Variants in CREB3 observed in about 807,000 individuals in gnomAD.
CREB3 encodes cAMP responsive element binding protein 3, also known as cyclic AMP-responsive element-binding protein 3.
Under a neutral mutation model 34.5 loss-of-function variants are expected in CREB3, and 29 were observed. That is an observed-to-expected ratio of 0.84 (90% CI 0.63 to 1.15). CREB3 has a LOEUF of 1.15. Among genes scored for constraint, CREB3 ranks in the 50% most tolerant of loss-of-function variants. The pLI is 0.00. For missense variants in CREB3, 447 were observed against 443.4 expected (o/e 1.01, Z -0.07); for synonymous variants, 187 against 173.9 (o/e 1.08, Z -0.59).
intron 6 of CREB3, among the ~76,000 whole-genome samples, 161 bp from the exon 7 acceptor site, chr9:35,735,887 G>A (rs921963236): frequency 6.6e-6 from 1 of 152,114 alleles, no homozygotes; most frequent in African/African-American, 2.4e-5. Flanking sequence ...GGAACTTCAG[G>A]CATTTTGTCC....
Position 35,735,301 on chromosome 9 carries a change from C to A in CREB3, c.543-5C>A, listed in dbSNP as rs775489263. On this transcript the variant is annotated splice_region_variant and splice_polypyrimidine_tract_variant and intron_variant, in intron 5 of 8. Coordinates refer to ENST00000353704, the MANE Select transcript of CREB3 (RefSeq NM_006368.5). ...ATATCCCCGTATCTTTGTTATTTCCCCCAGGGTCTTGAAATACACAGCCCA... is the reference window on the plus strand; with the variant it reads ...ATATCCCCGTATCTTTGTTATTTCCACCAGGGTCTTGAAATACACAGCCCA... The A allele has an allele frequency of 3.1e-6, 5 of 1,613,826 alleles. No individual in the cohort carries two copies. The South Asian group carries it at 3.3e-5, about 11-fold the overall frequency.
At chr9:35,735,014 G>A in intron 4 of CREB3, 95 bp from the exon 5 acceptor site, 1 of 1,011,176 alleles carries the variant, frequency 9.9e-7, no homozygotes, top group Non-Finnish European at 1.5e-6. Flanking sequence ...GCTGTAGAAG[G>A]GATTTCTGTA....
intron 4 of CREB3, 70 bp downstream of exon 4, chr9:35,733,555 CT>C: frequency 2.0e-6 from 2 of 1,020,020 alleles, no homozygotes; most frequent in Non-Finnish European, 3.0e-6. Context: ...ATTCTGTTAA[CT>C]TTATATCAAT....
At chr9:35,734,710 C>T (rs941831596) in intron 4 of CREB3, among the ~76,000 whole-genome samples, 1 of 152,230 alleles carries the variant, frequency 6.6e-6, no homozygotes, top group Admixed American at 6.5e-5. Flanking sequence ...CCTCCTTCCT[C>T]AGTCTCCTGA....
chr9:35,735,024 A>G (rs1826171875), intron 4 of CREB3, 85 bp from the exon 5 acceptor site: 2 of 1,124,606 alleles, frequency 1.8e-6, no homozygotes, highest in Non-Finnish European at 2.6e-6. Context: ...GGATTTCTGT[A>G]TTGGAAAGAG....
chr9:35,735,438 C>G, intron 6 of CREB3, 64 bp downstream of exon 6: 1 of 1,434,318 alleles, frequency 7.0e-7, no homozygotes. Flanking sequence ...CACTCTTTCC[C>G]CTGCCCTACA....
At position 35,736,473 on chromosome 9, in the gene CREB3, A is replaced by G. The variant is rs1348872607; in HGVS notation, c.863A>G (p.Lys288Arg). Reference protein sequence around the residue: ...ELPALQSEVPKDSTHQWLDGS... With the variant: ...ELPALQSEVPRDSTHQWLDGS... ...CCTGCCCTGCAGTCAGAAGTGCCGAAAGACAGCACACACCAGTGGTTGGAC... is the reference window on the plus strand; with the variant it reads ...CCTGCCCTGCAGTCAGAAGTGCCGAGAGACAGCACACACCAGTGGTTGGAC... The change falls in exon 9 of 9, where the codon AAA (lysine) becomes AGA (arginine). Residue 288 changes from lysine to arginine, a missense_variant. Lys to Arg is a conservative substitution (Grantham distance 26). Coordinates refer to ENST00000353704, the MANE Select transcript of CREB3 (RefSeq NM_006368.5). The G allele has an allele frequency of 1.2e-6, 2 of 1,614,048 alleles. No individual in the cohort carries two copies. The highest frequency in any genetic ancestry group is 2.7e-5 in the African/African-American group (2 of 74,914).
chr9:35,736,965 A>G lies in CREB3; in HGVS notation c.*239A>G. 1 of 846,386 alleles carries G rather than the reference A, an allele frequency of 1.2e-6. No individual in the cohort carries two copies. The highest frequency in any genetic ancestry group is 1.8e-6 in the Non-Finnish European group (1 of 560,752). 52.4% of individuals were successfully genotyped at this position (846,386 alleles called of 1,614,324 possible). On this transcript the variant is annotated 3_prime_UTR_variant, in exon 9 of 9. Transcript: ENST00000353704. ...CCCTGAACATTTCACGCAGTCAGGG[A>G]ACAGGTGAGGAAAGAAATAAATAAG...
chr9:35,736,203 C>A, intron 7 of CREB3, 24 bp from the exon 8 acceptor site: 1 of 1,613,330 alleles, frequency 6.2e-7, no homozygotes, highest in South Asian at 1.1e-5. Context: ...AGCCCTTCTT[C>A]ATCTCCTTTT....
rs1826174272 is a variant in CREB3, at chr9:35,735,112, G to C, written c.439G>C (p.Glu147Gln). 6.3e-7 allele frequency: 1 copy of C among 1,599,356 alleles called. No homozygotes were observed. The highest frequency in any genetic ancestry group is 8.5e-7 in the Non-Finnish European group (1 of 1,176,362). Residue 147 changes from glutamate to glutamine, a missense_variant, in exon 5 of 9, where the codon GAG becomes CAG. By Grantham distance (29) the Glu-to-Gln change is conservative (BLOSUM62 2). Coordinates refer to ENST00000353704, the MANE Select transcript of CREB3 (RefSeq NM_006368.5). ...LPETLPLTKT[E>Q]EQILKRVRRK... Reference sequence around the variant, plus strand: ...CCCTTTCCCTGTTTCCTTTCAGACAGAGGAACAAATTCTGAAACGTGTGCG... The same window carrying C: ...CCCTTTCCCTGTTTCCTTTCAGACACAGGAACAAATTCTGAAACGTGTGCG...
chr9:35,734,648 T>C (rs1431911391), intron 4 of CREB3, among the ~76,000 whole-genome samples: 2 of 152,244 alleles, frequency 1.3e-5, no homozygotes, highest in Admixed American at 6.5e-5. Flanking sequence ...GGTTGGAGAA[T>C]AGTGGCGAGA....
intron 3 of CREB3, 27 bp from the exon 4 acceptor site, chr9:35,733,369 C>T (rs1421439265): frequency 6.2e-7 from 1 of 1,609,612 alleles, no homozygotes; most frequent in South Asian, 1.1e-5. Flanking sequence ...CCCCATGCAA[C>T]TGCCGTCCAC....
chr9:35,735,945 G>T (rs541602464), intron 6 of CREB3, 103 bp from the exon 7 acceptor site: 6 of 824,020 alleles, frequency 7.3e-6, no homozygotes, highest in Non-Finnish European at 1.2e-5. Context: ...GTAAGAGAGA[G>T]GATCCAGTGC....
chr9:35,736,495 G>C lies in CREB3; in HGVS notation c.885G>C (p.Leu295Phe). ...CGAAAGACAGCACACACCAGTGGTT[G>C]GACGGCTCAGACTGTGTACTCCAGG... ...EVPKDSTHQW[L>F]DGSDCVLQAP... Residue 295 changes from leucine (L) to phenylalanine (F), a missense_variant, in exon 9 of 9, where the codon TTG becomes TTC. Physicochemically the swap from Leu to Phe is conservative, Grantham distance 22 (BLOSUM62 0). Transcript: ENST00000353704. 2 of 1,614,192 alleles carry C rather than the reference G, an allele frequency of 1.2e-6. No homozygotes were observed. Among genetic ancestry groups the C allele is most frequent in the South Asian group, 1.1e-5 (1 of 91,088 alleles).
Position 35,732,931 on chromosome 9 carries a change from T to C in CREB3, c.129+30T>C, listed in dbSNP as rs1563950502. Reference sequence around the variant, plus strand: ...GTTGGGGTTCTGACTGGGGAAAGCGTGGGATGTCCATGAAGTCAGGTGATG... The same window carrying C: ...GTTGGGGTTCTGACTGGGGAAAGCGCGGGATGTCCATGAAGTCAGGTGATG... On this transcript the variant is annotated intron_variant, in intron 1 of 8. Coordinates refer to ENST00000353704, the MANE Select transcript of CREB3 (RefSeq NM_006368.5). The surrounding 1 kb of genome is among the most constrained non-coding windows in gnomAD (Gnocchi z 5.1). 1 of 1,612,900 alleles carries C rather than the reference T, an allele frequency of 6.2e-7. No individual in the cohort carries two copies. The highest frequency in any genetic ancestry group is 8.5e-7 in the Non-Finnish European group (1 of 1,179,192).
At position 35,736,867 on chromosome 9, in the gene CREB3, G is replaced by GTT. The variant is rs1588000249; in HGVS notation, c.*141_*142insTT. The GTT allele has an allele frequency of 4.0e-5, 32 of 809,678 alleles. 1 individual carries two copies. In the East Asian group the frequency reaches 8.2e-4, roughly 21 times the overall value. 50.2% of individuals were successfully genotyped at this position (809,678 alleles called of 1,614,324 possible). A position where few individuals can be genotyped will look rare whatever the true frequency, so the allele number is the denominator to read the frequency against. On this transcript the variant is annotated 3_prime_UTR_variant, in exon 9 of 9. Coordinates refer to ENST00000353704, the MANE Select transcript of CREB3 (RefSeq NM_006368.5). ...AGGGCTCAAACACACCACACTTAAT[G>GTT]GCTTTCTGGGTCTTTTATTTGTACC...
At chr9:35,734,915 TA>T (rs937244839) in intron 4 of CREB3, among the ~76,000 whole-genome samples, 193 bp from the exon 5 acceptor site, 40 of 152,264 alleles carry the variant, frequency 2.6e-4, no homozygotes, top group African/African-American at 8.2e-4. Context: ...GTTTTTTTTT[TA>T]ATAGTTTAAA....
At chr9:35,733,327 TG>T (rs1221807148) in intron 3 of CREB3, 45 bp downstream of exon 3, 1 of 1,612,198 alleles carries the variant, frequency 6.2e-7, no homozygotes, top group Non-Finnish European at 8.5e-7. Flanking sequence ...ATTCCCCAGG[TG>T]GGGGCAGGAT....
At position 35,736,207 on chromosome 9, in the gene CREB3, T is replaced by G; in HGVS notation, c.697-20T>G. The G allele has an allele frequency of 6.2e-7, 1 of 1,613,596 alleles. No homozygotes were observed. The highest frequency in any genetic ancestry group is 1.7e-5 in the Admixed American group (1 of 60,018). ...GGGCAATCCAGAGCCCTTCTTCATC[T>G]CCTTTTTCCTGTGCTCTAGGTCCTA... is the stretch of plus-strand genomic sequence containing the variant. On this transcript the variant is annotated intron_variant, in intron 7 of 8. Transcript: ENST00000353704.
Sources: allele counts gnomAD v4.1 joint callset (sites outside exome capture counted in the v4.1 genomes callset), GRCh38; gene constraint gnomAD v4.1.1; non-coding constraint Gnocchi (gnomAD v3.1); transcripts MANE v1.5; gene names NCBI Gene and HGNC (gene_info 2026-07-23, HGNC 2026-07-21).